Variants in EXOSC2 observed in about 807,000 individuals in gnomAD.
EXOSC2 encodes exosome component 2, also known as exosome complex component RRP4.
Under a neutral mutation model 37.6 loss-of-function variants are expected in EXOSC2, and 29 were observed. The observed-to-expected ratio is 0.77, with a 90% CI of 0.57 to 1.05. The LOEUF (loss-of-function observed/expected upper bound fraction) is 1.05. Among genes scored for constraint, EXOSC2 ranks in the 50% least tolerant of loss-of-function variants. The pLI is 0.00. For synonymous variants in EXOSC2, 119 were observed against 131.1 expected, an observed-to-expected ratio of 0.91 and a Z score of 0.63; for missense variants, 346 against 365.6, an observed-to-expected ratio of 0.95 and a Z score of 0.44.
chr9:130,700,772 G>T, intron 5 of EXOSC2, 95 bp from the exon 6 acceptor site: 1 of 1,102,092 alleles, frequency 9.1e-7, no homozygotes, highest in East Asian at 2.4e-5. Flanking sequence ...GAGAGGGGAG[G>T]AAAAGATGGA....
intron 2 of EXOSC2, among the ~76,000 whole-genome samples, chr9:130,696,111 C>T (rs561038116): frequency 1.3e-5 from 2 of 152,062 alleles, no homozygotes; most frequent in Non-Finnish European, 2.9e-5. Flanking sequence ...GATTTCCCCC[C>T]ACTTGGCCTC....
chr9:130,695,747 A>C (rs1831080150), intron 2 of EXOSC2, 154 bp downstream of exon 2: 2 of 650,540 alleles, frequency 3.1e-6, no homozygotes, highest in Non-Finnish European at 5.5e-6. Flanking sequence ...GGTGGTGCAG[A>C]TCAGTGCAGG....
Position 130,702,202 on chromosome 9 carries a change from T to C in EXOSC2, c.564T>C (p.Asp188=), listed in dbSNP as rs751296911. Residue 188 remains aspartate (D), a synonymous_variant, in exon 7 of 9, where the codon GAT becomes GAC. Transcript: ENST00000372358. ...LVKRQKTHFH[D]LPCGASVILG... ...AACGGCAGAAGACCCACTTTCATGA[T>C]TTGCCATGTGGTGCCTCAGTGATTC... The C allele has an allele frequency of 9.3e-6, 15 of 1,614,034 alleles. No homozygotes were observed. Among genetic ancestry groups the C allele is most frequent in the Non-Finnish European group, 1.2e-5 (14 of 1,180,024 alleles).
chr9:130,701,807 C>A, intron 6 of EXOSC2: 1 of 1,070,182 alleles, frequency 9.3e-7, no homozygotes, highest in Non-Finnish European at 1.1e-6. Flanking sequence ...GCTCCTGGGC[C>A]AGCAGGAGGC....
In EXOSC2 at chr9:130,694,510, T is replaced by C. The variant is rs150330399; in HGVS notation, c.122+597T>C. On this transcript the variant is annotated intron_variant, in intron 1 of 8. Coordinates refer to ENST00000372358, the MANE Select transcript of EXOSC2 (RefSeq NM_014285.7). The surrounding 1 kb of genome is among the most constrained non-coding windows in gnomAD (Gnocchi z 4.0). ...ACGGTCAGTTTCCTCATCTGTAAGA[T>C]AGTGATAATAACAGTATGATACGGT... 7.7e-4 allele frequency among the ~76,000 whole-genome samples: 118 copies of C among 152,290 alleles called. 1 individual carries two copies. The highest frequency in any genetic ancestry group is 2.3e-3 in the African/African-American group (96 of 41,550).
intron 8 of EXOSC2, 97 bp downstream of exon 8, chr9:130,703,278 C>A: frequency 7.1e-7 from 1 of 1,405,862 alleles, no homozygotes; most frequent in Non-Finnish European, 9.6e-7. Flanking sequence ...ACTTTCCCAA[C>A]ATCCGTCAGT....
rs748793388 is a variant in EXOSC2 at position 130,698,415 on chromosome 9, C to A, written c.360+164C>A. Among the ~76,000 whole-genome samples, 7 of 152,178 alleles carry A rather than the reference C, an allele frequency of 4.6e-5. No homozygotes were observed. The highest frequency in any genetic ancestry group is 1.0e-4 in the Non-Finnish European group (7 of 68,034). On this transcript the variant is annotated intron_variant, in intron 4 of 8. Coordinates refer to ENST00000372358, the MANE Select transcript of EXOSC2 (RefSeq NM_014285.7). This position sits in a 1 kb window ranked among gnomAD's most constrained non-coding sequence, Gnocchi z 4.1. Reference sequence around the variant, plus strand: ...CCTAGATGTGTATGTAGACTTTTCACCCTGTCCAGGTCTCCCGAAAGAGGG... The same window carrying A: ...CCTAGATGTGTATGTAGACTTTTCAACCTGTCCAGGTCTCCCGAAAGAGGG...
chr9:130,701,582 G>A, intron 6 of EXOSC2: 1 of 986,552 alleles, frequency 1.0e-6, no homozygotes, highest in African/African-American at 1.7e-5. Context: ...TGTACATGGA[G>A]TAGGCAGAGG....
At position 130,698,123 on chromosome 9, in the gene EXOSC2, A is replaced by C; in HGVS notation, c.271-39A>C. On this transcript the variant is annotated intron_variant, in intron 3 of 8. Transcript: ENST00000372358. The surrounding 1 kb of genome is among the most constrained non-coding windows in gnomAD (Gnocchi z 4.1). ...TGGTTATTTATGATATGACACATGA[A>C]CATGGAGCATGTGTCCAGGTGTGGA... The C allele has an allele frequency of 6.4e-7, 1 of 1,564,790 alleles. No individual in the cohort carries two copies. The highest frequency in any genetic ancestry group is 8.8e-7 in the Non-Finnish European group (1 of 1,135,192).
At chr9:130,700,637 G>T (rs915862966) in intron 5 of EXOSC2, among the ~76,000 whole-genome samples, 2 of 152,104 alleles carry the variant, frequency 1.3e-5, no homozygotes, top group Admixed American at 6.6e-5. Context: ...GGGATTACAG[G>T]TGTGAGCCAC....
chr9:130,696,557 G>A (rs980386519), intron 2 of EXOSC2, among the ~76,000 whole-genome samples: 1 of 147,528 alleles, frequency 6.8e-6, no homozygotes, highest in Non-Finnish European at 1.5e-5. Flanking sequence ...GGTGGGAGCA[G>A]TGGAAGGTGG....
intron 5 of EXOSC2, among the ~76,000 whole-genome samples, chr9:130,700,012 T>G (rs1031290091): frequency 5.9e-5 from 9 of 152,036 alleles, no homozygotes; most frequent in African/African-American, 1.9e-4. Context: ...GTCTCTATTT[T>G]ATGTTATTTT....
intron 2 of EXOSC2, among the ~76,000 whole-genome samples, chr9:130,696,687 A>G (rs1450332898): frequency 6.6e-6 from 1 of 152,206 alleles, no homozygotes; most frequent in Non-Finnish European, 1.5e-5. Flanking sequence ...AACTGTGAAT[A>G]GAAATAAGTT....
Position 130,693,873 on chromosome 9 carries a change from G to A in EXOSC2, c.82G>A (p.Val28Met). 6.2e-7 allele frequency: 1 copy of A among 1,612,488 alleles called. No homozygotes were observed. The highest frequency in any genetic ancestry group is 8.5e-7 in the Non-Finnish European group (1 of 1,178,834). Residue 28 changes from valine (V) to methionine (M), a missense_variant, in exon 1 of 9, where the codon GTG becomes ATG. Transcript: ENST00000372358. ...CCGCGACACTAAGAAACATCTAGTG[G>A]TGCCGGGGGATACAATCACTACGGA... ...LGRDTKKHLVVPGDTITTDTG... is the reference protein window; with the variant it reads ...LGRDTKKHLVMPGDTITTDTG...
intron 3 of EXOSC2, 30 bp downstream of exon 3, chr9:130,697,657 A>G: frequency 6.2e-7 from 1 of 1,610,064 alleles, no homozygotes; most frequent in Non-Finnish European, 8.5e-7. Flanking sequence ...GGTGTTTACA[A>G]AGTCGAGGCA....
chr9:130,695,096 A>G (rs917479363), intron 1 of EXOSC2, among the ~76,000 whole-genome samples: 6 of 152,278 alleles, frequency 3.9e-5, no homozygotes, highest in African/African-American at 1.2e-4. Flanking sequence ...AGAGTGAAAA[A>G]TCTCTGTCCT....
rs193107609 is a variant in EXOSC2 at position 130,704,258 on chromosome 9, G to C, written c.*484G>C. On this transcript the variant is annotated 3_prime_UTR_variant, in exon 9 of 9. Coordinates refer to ENST00000372358, the MANE Select transcript of EXOSC2 (RefSeq NM_014285.7). ...AAAGTTAACCAAGCAGGCCAGGCAC[G>C]GTGGCTCACGCCTATAATCCCAGCA... The C allele has an allele frequency of 6.5e-6, 1 of 152,682 alleles. No homozygotes were observed. Among genetic ancestry groups the C allele is most frequent in the East Asian group, 1.9e-4 (1 of 5,188 alleles). The allele number at this position is 152,682 out of a possible 1,614,324, so 9.5% of individuals were successfully genotyped here.
At position 130,703,959 on chromosome 9, in the gene EXOSC2, G is replaced by C. The variant is rs1831273278; in HGVS notation, c.*185G>C. ...CTAACACCAAGCCTGGGTGGCAGATGAACAGTGCTTCCTTGGGTTGCCAGC... is the reference window on the plus strand; with the variant it reads ...CTAACACCAAGCCTGGGTGGCAGATCAACAGTGCTTCCTTGGGTTGCCAGC... On this transcript the variant is annotated 3_prime_UTR_variant, in exon 9 of 9. Coordinates refer to ENST00000372358, the MANE Select transcript of EXOSC2 (RefSeq NM_014285.7). The C allele has an allele frequency of 2.1e-6, 1 of 473,266 alleles. No homozygotes were observed. The highest frequency in any genetic ancestry group is 2.0e-5 in the African/African-American group (1 of 50,968). 29.3% of individuals were successfully genotyped at this position (473,266 alleles called of 1,614,324 possible).
chr9:130,701,511 AT>A (rs747862824), intron 6 of EXOSC2: 5 of 819,654 alleles, frequency 6.1e-6, no homozygotes, highest in Non-Finnish European at 7.4e-6. Flanking sequence ...GAACGTTTTT[AT>A]TTTCTGAGTG....
Sources: gnomAD v4.1 joint callset for allele counts (sites outside exome capture counted in the v4.1 genomes callset) on GRCh38, gnomAD v4.1.1 for gene constraint, Gnocchi (gnomAD v3.1) non-coding constraint, MANE v1.5 for transcripts, NCBI Gene and HGNC (gene_info 2026-07-23, HGNC 2026-07-21) for gene names.